RAG1: variants seen among roughly 807,000 people sequenced by gnomAD.
RAG1 encodes the protein recombination activating 1.
Under a neutral mutation model 62.7 loss-of-function variants are expected in RAG1, and 35 were observed. The ratio of observed to expected loss-of-function variants is 0.56; its 90% CI spans 0.43 to 0.74. The LOEUF is 0.74. Among genes scored for constraint, RAG1 ranks in the 30% least tolerant of loss-of-function variants. The pLI is 0.00. For synonymous variants in RAG1, 461 were observed against 470.3 expected, an observed-to-expected ratio of 0.98 and a Z score of 0.26; for missense variants, 1,169 against 1,278.6, an observed-to-expected ratio of 0.91 and a Z score of 1.31.
At chr11:36,550,131 G>A (rs1388388221) in intron 3 of RAG1, among the ~76,000 whole-genome samples, 1 of 152,086 alleles carries the variant, frequency 6.6e-6, no homozygotes, top group African/African-American at 2.4e-5. Context: ...GGGAGCTGGG[G>A]AGGGATAGCA....
At position 36,573,627 on chromosome 11, in the gene RAG1, G is replaced by A. The variant is rs748211230; in HGVS notation, c.323G>A (p.Arg108Gln). ...AAAGCGATCCATCAAGCCAACCTTC[G>A]ACATCTCTGCCGCATCTGTGGGAAT... ...RGKAIHQANL[R>Q]HLCRICGNSF... The change falls in exon 2 of 2, where the codon CGA (arginine) becomes CAA (glutamine). Residue 108 changes from arginine (R) to glutamine (Q), a missense_variant. By Grantham distance (43) the Arg-to-Gln change is conservative. Coordinates refer to ENST00000299440, the MANE Select transcript of RAG1 (RefSeq NM_000448.3). The A allele has an allele frequency of 2.0e-5, 33 of 1,613,988 alleles. No individual in the cohort carries two copies. The highest frequency in any genetic ancestry group is 2.4e-5 in the Non-Finnish European group (28 of 1,180,036).
intron 2 of RAG1, among the ~76,000 whole-genome samples, chr11:36,527,670 T>C (rs189439434): frequency 5.1e-4 from 77 of 152,308 alleles, no homozygotes; most frequent in African/African-American, 1.8e-3. Context: ...TAAATTACTT[T>C]GGGCAGTATG....
chr11:36,574,031 G>A lies in RAG1; in HGVS notation c.727G>A (p.Ala243Thr), dbSNP rs747850976. ...AAAACTCAAAACTGTGCTTGACCAA[G>A]CAAGACAAGCCCGTCAGCACAAGAG... is the stretch of plus-strand genomic sequence containing the variant. ...SKKLKTVLDQARQARQHKRRA... is the reference protein window; with the variant it reads ...SKKLKTVLDQTRQARQHKRRA... The change falls in exon 2 of 2, where the codon GCA becomes ACA. Residue 243 changes from alanine to threonine, a missense_variant. By Grantham distance (58) the Ala-to-Thr change is moderately conservative. Transcript: ENST00000299440. The A allele has an allele frequency of 5.6e-6, 9 of 1,614,120 alleles. No homozygotes were observed. The highest frequency in any genetic ancestry group is 1.3e-5 in the African/African-American group (1 of 75,016).
rs566014194 is a variant in RAG1, at chr11:36,577,187, A to G, written c.*751A>G. 22 of 166,988 alleles carry G rather than the reference A, an allele frequency of 1.3e-4. No homozygotes were observed. The highest frequency in any genetic ancestry group is 5.3e-4 in the African/African-American group (22 of 41,584). 10.3% of individuals were successfully genotyped at this position (166,988 alleles called of 1,614,324 possible). A position where few individuals can be genotyped will look rare whatever the true frequency, so the allele number is the denominator to read the frequency against. ...CACCTGTTAGCTACAGTTAGTTATT[A>G]AATCTTCTGATAATATATGTTTACT... On this transcript the variant is annotated 3_prime_UTR_variant, in exon 2 of 2. Transcript: ENST00000299440.
chr11:36,545,226 A>G (rs1850375345), intron 3 of RAG1, among the ~76,000 whole-genome samples: 1 of 152,198 alleles, frequency 6.6e-6, no homozygotes, highest in South Asian at 2.1e-4. Flanking sequence ...TAGATCAAAC[A>G]GTGAGTGCAT....
chr11:36,569,398 G>A (rs1353943281), intron 1 of RAG1, among the ~76,000 whole-genome samples: 2 of 152,192 alleles, frequency 1.3e-5, no homozygotes, highest in Admixed American at 6.5e-5. Flanking sequence ...TTAGAAGAGA[G>A]GAGATCAAGC....
intron 3 of RAG1, among the ~76,000 whole-genome samples, chr11:36,544,780 G>A (rs759585267): frequency 6.6e-5 from 10 of 152,180 alleles, no homozygotes; most frequent in East Asian, 1.9e-4. Context: ...GGATCATGGC[G>A]GGGCTTCCCC....
chr11:36,534,182 T>G (rs939330432), intron 2 of RAG1, among the ~76,000 whole-genome samples: 1 of 152,186 alleles, frequency 6.6e-6, no homozygotes, highest in African/African-American at 2.4e-5. Flanking sequence ...ATTTAAATTA[T>G]AAGCAATTCA....
upstream of RAG1, among the ~76,000 whole-genome samples, chr11:36,564,283 A>G (rs1454301067): frequency 6.6e-6 from 1 of 152,208 alleles, no homozygotes; most frequent in East Asian, 1.9e-4. Flanking sequence ...ACTGGAGTTA[A>G]TGAAGTGTGG....
At chr11:36,518,498 A>G (rs994650193) in intron 1 of RAG1, among the ~76,000 whole-genome samples, 5 of 152,184 alleles carry the variant, frequency 3.3e-5, no homozygotes, top group African/African-American at 7.2e-5. Flanking sequence ...CCTCTCCAGC[A>G]CTTGTTGTTT....
At chr11:36,569,554 T>C (rs138443357) in intron 1 of RAG1, among the ~76,000 whole-genome samples, 1 of 152,338 alleles carries the variant, frequency 6.6e-6, no homozygotes, top group African/African-American at 2.4e-5. Flanking sequence ...GTGGTCATAT[T>C]TGAAATTAGC....
At chr11:36,516,882 T>G (rs543498245) in intron 1 of RAG1, among the ~76,000 whole-genome samples, 2 of 152,370 alleles carry the variant, frequency 1.3e-5, no homozygotes, top group African/African-American at 4.8e-5. Context: ...ATTACAGGTG[T>G]TAACCACTGA....
Position 36,575,458 on chromosome 11 carries a change from G to C in RAG1, c.2154G>C (p.Val718=). The change falls in exon 2 of 2, where the codon GTG becomes GTC. Residue 718 remains valine (V), a synonymous_variant. Transcript: ENST00000299440. This position sits in a 1 kb window ranked among gnomAD's most constrained non-coding sequence, Gnocchi z 4.1. The part of the protein sequence containing the change: ...TGYDEKLVRE[V]EGLEASGSVY... ...ATGATGAAAAACTTGTGCGGGAAGT[G>C]GAAGGCCTCGAGGCTTCTGGCTCAG... 6.2e-7 allele frequency: 1 copy of C among 1,614,188 alleles called. No homozygotes were observed. Among genetic ancestry groups the C allele is most frequent in the Non-Finnish European group, 8.5e-7 (1 of 1,180,034 alleles).
At chr11:36,513,841 A>G (rs1859959269) in intron 1 of RAG1, among the ~76,000 whole-genome samples, 1 of 152,196 alleles carries the variant, frequency 6.6e-6, no homozygotes, top group Non-Finnish European at 1.5e-5. Context: ...GTATGGGGGA[A>G]ACTGCCCCTG....
intron 3 of RAG1, among the ~76,000 whole-genome samples, chr11:36,543,174 A>G (rs1025555111): frequency 6.6e-6 from 1 of 151,674 alleles, no homozygotes; most frequent in African/African-American, 2.4e-5. Flanking sequence ...ATGCTGGCTG[A>G]CCCTCTCAGG....
At chr11:36,524,477 G>A (rs1000867079) in intron 2 of RAG1, among the ~76,000 whole-genome samples, 1 of 150,342 alleles carries the variant, frequency 6.7e-6, no homozygotes, top group Admixed American at 6.6e-5. Context: ...ATATCTCAAT[G>A]TGGTGTGTGC....
intron 3 of RAG1, among the ~76,000 whole-genome samples, chr11:36,542,451 G>A (rs1174406767): frequency 6.6e-6 from 1 of 152,178 alleles, no homozygotes; most frequent in Non-Finnish European, 1.5e-5. Flanking sequence ...TTTGCTGAGA[G>A]GCTGAGTTGG....
Position 36,519,192 on chromosome 11 carries a change from G to T in RAG1, n.331-940G>T, listed in dbSNP as rs571498995. Among the ~76,000 whole-genome samples, 73 of 152,124 alleles carry T rather than the reference G, an allele frequency of 4.8e-4. No individual in the cohort carries two copies. The South Asian group carries it at 0.015, about 31-fold the overall frequency. On this transcript the variant is annotated intron_variant and non_coding_transcript_variant, in intron 1 of 2. Transcript: ENST00000529126. ...GTTGTTTTCTGCACCAGTAAGGTAG[G>T]GATATAAAGGGTCAATATTACAAGT...
At chr11:36,519,146 G>A (rs750047362) in intron 1 of RAG1, among the ~76,000 whole-genome samples, 2 of 150,722 alleles carry the variant, frequency 1.3e-5, no homozygotes, top group Non-Finnish European at 3.0e-5. Flanking sequence ...CATTTATTAA[G>A]GACCATTTAC....
Sources: gnomAD v4.1 joint callset for allele counts (sites outside exome capture counted in the v4.1 genomes callset) on GRCh38, gnomAD v4.1.1 for gene constraint, Gnocchi (gnomAD v3.1) non-coding constraint, MANE v1.5 for transcripts, NCBI Gene and HGNC (gene_info 2026-07-23, HGNC 2026-07-21) for gene names.